The following AAAS variants were observed in gnomAD, a reference collection of about 807,000 sequenced individuals.
The protein encoded by AAAS is aladin WD repeat nucleoporin.
Under a neutral mutation model 75.6 loss-of-function variants are expected in AAAS, and 60 were observed. The ratio of observed to expected loss-of-function variants is 0.79; its 90% confidence interval spans 0.64 to 0.98. The LOEUF (loss-of-function observed/expected upper bound fraction) is 0.98. Among genes scored for constraint, AAAS ranks in the 50% least tolerant of loss-of-function variants. AAAS has a pLI of 0.00. For missense variants in AAAS, 658 were observed against 686.9 expected (o/e 0.96, Z 0.47); for synonymous variants, 271 against 265.0 (o/e 1.02, Z -0.22).
rs121918547 is a variant in AAAS at position 53,309,158 on chromosome 12, G to A, written c.934C>T (p.Arg312Ter). 6 of 1,614,144 alleles carry A rather than the reference G, an allele frequency of 3.7e-6. No homozygotes were observed. The highest frequency in any genetic ancestry group is 2.7e-5 in the African/African-American group (2 of 75,038). ...ILATTPSAVFRVWEAQMWTCE... is the reference protein window; with the variant it reads ...ILATTPSAVF The stretch of plus-strand genomic sequence containing the variant: ...TCCCTCCATCCTTGTCCCACTCACC[G>A]AAAGACAGCTGAAGGAGTGGTAGCC... Residue 312 changes from arginine (R) to a stop codon, truncating the protein, a stop_gained and splice_region_variant, in exon 9 of 16, where the codon CGA (arginine) becomes TGA (stop). Transcript: ENST00000209873. LOFTEE classifies it high-confidence loss of function.
At chr12:53,312,807 A>G (rs201737449) in intron 7 of AAAS, among the ~76,000 whole-genome samples, 10 of 148,784 alleles carry the variant, frequency 6.7e-5, no homozygotes, top group Non-Finnish European at 8.9e-5. Flanking sequence ...ATACGTGTAT[A>G]TATATGTGTA....
intron 8 of AAAS, 25 bp downstream of exon 8, chr12:53,309,576 G>A (rs1281880973): frequency 6.2e-7 from 1 of 1,613,434 alleles, no homozygotes; most frequent in South Asian, 1.1e-5. Flanking sequence ...ACTGAAATGT[G>A]CATGAGGGGC....
rs145446970 is a variant in AAAS at position 53,309,236 on chromosome 12, G to A, written c.856C>T (p.Arg286Ter). ...AGCAGGTTGGTCACCCCACCTCCTC[G>A]GAACCAGGGAAGGGGGACACAGGTC... Reference protein sequence around the residue: ...TETCVPLPWFRGGGVTNLLWS... With the variant: ...TETCVPLPWF Residue 286 changes from arginine to a stop codon, truncating the protein, a stop_gained, in exon 9 of 16, where the codon CGA becomes TGA. Transcript: ENST00000209873. LOFTEE classifies it high-confidence loss of function. 72 of 1,613,870 alleles carry A rather than the reference G, an allele frequency of 4.5e-5. No homozygotes were observed. The highest frequency in any genetic ancestry group is 5.8e-5 in the Non-Finnish European group (68 of 1,179,968).
chr12:53,315,042 T>C, intron 5 of AAAS, 52 bp downstream of exon 5: 2 of 1,600,764 alleles, frequency 1.2e-6, no homozygotes, highest in Non-Finnish European at 1.7e-6. Context: ...CCAAAGGGAG[T>C]TTTGAGGTTC....
rs1300022667 is a variant in AAAS at position 53,307,910 on chromosome 12, G to C, written c.1351C>G (p.Pro451Ala). The change falls in exon 15 of 16, where the codon CCA (proline) becomes GCA (alanine). Residue 451 changes from proline to alanine, a missense_variant. By Grantham distance (27) the Pro-to-Ala change is conservative. Transcript: ENST00000209873. Reference sequence around the variant, plus strand: ...GTGATGAGCTGGGGCTGGGCTCCTGGCTCCCCCTGGATAATGCCACTAGAA... The same window carrying C: ...GTGATGAGCTGGGGCTGGGCTCCTGCCTCCCCCTGGATAATGCCACTAGAA... ...LLPCGIIQGE[P>A]GAQPQLITFH... 1 of 1,614,236 alleles carries C rather than the reference G, an allele frequency of 6.2e-7. No individual in the cohort carries two copies. The highest frequency in any genetic ancestry group is 1.7e-5 in the Admixed American group (1 of 60,028).
At chr12:53,314,927 G>C in intron 5 of AAAS, 78 bp from the exon 6 acceptor site, 1 of 1,512,182 alleles carries the variant, frequency 6.6e-7, no homozygotes, top group Non-Finnish European at 9.1e-7. Context: ...TTTCCAGTAA[G>C]GACATGGTTT....
chr12:53,321,517 A>G lies in AAAS; in HGVS notation c.-52T>C. 6.2e-7 allele frequency: 1 copy of G among 1,611,722 alleles called. No homozygotes were observed. Among genetic ancestry groups the G allele is most frequent in the Non-Finnish European group, 8.5e-7 (1 of 1,179,746 alleles). On this transcript the variant is annotated 5_prime_UTR_variant, in exon 1 of 16. Transcript: ENST00000209873. Reference sequence around the variant, plus strand: ...TCGGCAAACTCCTGGCCGGAACGGCACAGACCGCACTCCCGCAACTCGGTT... The same window carrying G: ...TCGGCAAACTCCTGGCCGGAACGGCGCAGACCGCACTCCCGCAACTCGGTT...
intron 13 of AAAS, 33 bp from the exon 14 acceptor site, chr12:53,308,166 A>G (rs1290585202): frequency 6.2e-7 from 1 of 1,613,040 alleles, no homozygotes; most frequent in East Asian, 2.2e-5. Context: ...TAGGGGAGGA[A>G]CTCTGAAGGC....
intron 12 of AAAS, 30 bp downstream of exon 12, chr12:53,308,405 C>T (rs1261315015): frequency 1.9e-6 from 3 of 1,614,144 alleles, no homozygotes; most frequent in Non-Finnish European, 8.5e-7. Flanking sequence ...ACCTGCTTTT[C>T]ACTGCCACTC....
intron 7 of AAAS, 52 bp downstream of exon 7, chr12:53,314,245 GC>G: frequency 6.2e-7 from 1 of 1,611,932 alleles, no homozygotes. Context: ...CACCCACCAT[GC>G]CTAGCATTGC....
At chr12:53,315,284 T>G (rs1668915945) in intron 4 of AAAS, 51 bp downstream of exon 4, 1 of 1,605,296 alleles carries the variant, frequency 6.2e-7, no homozygotes, top group African/African-American at 1.3e-5. Context: ...GAGGGCAGAG[T>G]AGGATGGGGA....
intron 5 of AAAS, 84 bp from the exon 6 acceptor site, chr12:53,314,933 G>A (rs1196242430): frequency 1.3e-6 from 2 of 1,499,552 alleles, no homozygotes; most frequent in African/African-American, 1.4e-5. Flanking sequence ...GTAAGGACAT[G>A]GTTTTTTCCT....
In AAAS at chr12:53,309,641, C is replaced by A. The variant is rs763313598; in HGVS notation, c.770G>T (p.Gly257Val). Residue 257 changes from glycine (G) to valine (V), a missense_variant, in exon 8 of 16, where the codon GGG becomes GTG. By Grantham distance (109) the Gly-to-Val change is moderately radical. Coordinates refer to ENST00000209873, the MANE Select transcript of AAAS (RefSeq NM_015665.6). Reference protein sequence around the residue: ...VTSLAWAPSGGRLLSASPVDA... With the variant: ...VTSLAWAPSGVRLLSASPVDA... ...CACGGGTGAAGCTGAGAGCAGCCGC[C>A]CCCCACTGGGGGCCCAGGCCAAGCT... 3.1e-6 allele frequency: 5 copies of A among 1,613,564 alleles called. No individual in the cohort carries two copies. In the South Asian group the frequency reaches 5.5e-5, roughly 18 times the overall value.
rs987515298 is a variant in AAAS at position 53,309,891 on chromosome 12, G to A, written c.690-170C>T. ...GTGAAAGTTAAAAGAAAAAAACAGC[G>A]AAGGGGAAAAACGACCAAGTCACCA... On this transcript the variant is annotated intron_variant, in intron 7 of 15. Coordinates refer to ENST00000209873, the MANE Select transcript of AAAS (RefSeq NM_015665.6). 9 of 1,091,564 alleles carry A rather than the reference G, an allele frequency of 8.2e-6. No individual in the cohort carries two copies. In the East Asian group the frequency reaches 1.3e-4, roughly 16 times the overall value. 67.6% of individuals were successfully genotyped at this position (1,091,564 alleles called of 1,614,324 possible).
intron 6 of AAAS, 152 bp from the exon 7 acceptor site, chr12:53,314,593 T>G: frequency 2.2e-6 from 3 of 1,336,992 alleles, no homozygotes; most frequent in African/African-American, 2.9e-5. Flanking sequence ...AGGTTAGGTC[T>G]AGAAGAAGCA....
intron 3 of AAAS, 57 bp downstream of exon 3, chr12:53,315,667 CAAG>C (rs1944450816): frequency 6.3e-7 from 1 of 1,590,322 alleles, no homozygotes; most frequent in East Asian, 2.2e-5. Context: ...GGGGTGAGTT[CAAG>C]AATATGGAGA....
chr12:53,311,183 ATCCATC>A lies in AAAS; in HGVS notation c.690-1468_690-1463del, dbSNP rs1261240405. On this transcript the variant is annotated intron_variant, in intron 7 of 15. Coordinates refer to ENST00000209873, the MANE Select transcript of AAAS (RefSeq NM_015665.6). The stretch of plus-strand genomic sequence containing the variant: ...AGTCTCAAACTCCTAGGCTCAAGCG[ATCCATC>A]TGCCTCAGCCTCCGAAAGTGCTGGA... Among the ~76,000 whole-genome samples the A allele has an allele frequency of 5.3e-5, 8 of 152,242 alleles. No individual in the cohort carries two copies. In the South Asian group the frequency reaches 1.2e-3, roughly 24 times the overall value.
Position 53,314,202 on chromosome 12 carries a change from G to A in AAAS, c.689+96C>T, listed in dbSNP as rs1197041159. ...CCCATAGCCCTGGGAAGTGCTGTGAGGACAAAGAACTTCTCCTTTCAGACG... is the reference window on the plus strand; with the variant it reads ...CCCATAGCCCTGGGAAGTGCTGTGAAGACAAAGAACTTCTCCTTTCAGACG... On this transcript the variant is annotated intron_variant, in intron 7 of 15. Coordinates refer to ENST00000209873, the MANE Select transcript of AAAS (RefSeq NM_015665.6). The A allele has an allele frequency of 1.0e-5, 16 of 1,546,318 alleles. No individual in the cohort carries two copies. The African/African-American group carries it at 1.5e-4, about 14-fold the overall frequency.
At chr12:53,312,441 T>C (rs545158528) in intron 7 of AAAS, among the ~76,000 whole-genome samples, 116 of 150,818 alleles carry the variant, frequency 7.7e-4, no homozygotes, top group African/African-American at 2.7e-3. Context: ...AGTGCGTGCC[T>C]GTAGTCCCAG....
Sources: allele counts gnomAD v4.1 joint callset (sites outside exome capture counted in the v4.1 genomes callset), GRCh38; gene constraint gnomAD v4.1.1; transcripts MANE v1.5; gene names NCBI Gene and HGNC (gene_info 2026-07-23, HGNC 2026-07-21).